CDC42BPA: variants seen among roughly 807,000 people sequenced by gnomAD.
The protein encoded by CDC42BPA is serine/threonine-protein kinase MRCK alpha.
CDC42BPA carries 80 observed loss-of-function variants against 223.5 expected under a neutral mutation model. That is an observed-to-expected ratio of 0.36 (90% CI 0.30 to 0.43). The LOEUF is 0.43. CDC42BPA is among the 20% of genes least tolerant of loss of function. The pLI, the probability that CDC42BPA is intolerant of heterozygous loss-of-function variation, is 1.00. For synonymous variants in CDC42BPA, 694 were observed against 718.6 expected, an observed-to-expected ratio of 0.97 and a Z score of 0.55; for missense variants, 1,743 against 2,099.9, an observed-to-expected ratio of 0.83 and a Z score of 3.32.
At chr1:227,257,475 G>A (rs1683279938) in intron 1 of CDC42BPA, among the ~76,000 whole-genome samples, 1 of 93,530 alleles carries the variant, frequency 1.1e-5, no homozygotes, top group Non-Finnish European at 2.3e-5. Flanking sequence ...ATAGGAAGAT[G>A]CTGGGCACAG....
rs556291197 is a variant in CDC42BPA at position 227,185,259 on chromosome 1, G to C, written c.599+8527C>G. On this transcript the variant is annotated intron_variant, in intron 5 of 36. Transcript: ENST00000366766. Reference sequence around the variant, plus strand: ...ATAGGAAAAAAAGGGGTCCTTGGAAGATTTTTCGCAGCTCTTATCTAGAAT... The same window carrying C: ...ATAGGAAAAAAAGGGGTCCTTGGAACATTTTTCGCAGCTCTTATCTAGAAT... Among the ~76,000 whole-genome samples the C allele has an allele frequency of 5.9e-5, 9 of 152,208 alleles. No individual in the cohort carries two copies. The South Asian group carries it at 1.9e-3, about 32-fold the overall frequency.
chr1:227,261,244 T>G (rs1684014893), intron 1 of CDC42BPA, among the ~76,000 whole-genome samples: 1 of 150,206 alleles, frequency 6.7e-6, no homozygotes, highest in African/African-American at 2.5e-5. Context: ...GCCTCTTAAG[T>G]AGCTGTAATT....
rs747941744 is a variant in CDC42BPA at position 226,994,666 on chromosome 1, C to T, written c.5133+157G>A. On this transcript the variant is annotated intron_variant, in intron 36 of 36. Coordinates refer to ENST00000366766, the MANE Select transcript of CDC42BPA (RefSeq NM_001394014.1). The surrounding 1 kb of genome is among the most constrained non-coding windows in gnomAD (Gnocchi z 4.0). ...TCTGGGAAAACTGCAGTTTGCAGCC[C>T]GAGTGACTGGCCTAGCTGCCCGCTG... Among the ~76,000 whole-genome samples the T allele has an allele frequency of 3.9e-5, 6 of 152,142 alleles. No homozygotes were observed. The highest frequency in any genetic ancestry group is 1.3e-4 in the Admixed American group (2 of 15,280).
chr1:227,102,810 GAATT>G (rs113820132), intron 14 of CDC42BPA, among the ~76,000 whole-genome samples: 23,419 of 151,872 alleles, frequency 0.15, 2,160 homozygotes, highest in African/African-American at 0.25. Context: ...GTCATAAAAT[GAATT>G]ATTTTAATAG....
rs560161719 is a variant in CDC42BPA at position 227,135,946 on chromosome 1, G to A, written c.1390+3630C>T. Among the ~76,000 whole-genome samples the A allele has an allele frequency of 8.8e-5, 13 of 147,026 alleles. No individual in the cohort carries two copies. In the South Asian group the frequency reaches 2.8e-3, roughly 31 times the overall value. The stretch of plus-strand genomic sequence containing the variant: ...AGCTCAATTCTTGATGGAATGAAAA[G>A]GGAGAAACCTCTCTGGGGCAAAAAT... On this transcript the variant is annotated intron_variant, in intron 10 of 36. Transcript: ENST00000366766.
At chr1:227,250,507 T>C (rs1558869364) in intron 2 of CDC42BPA, among the ~76,000 whole-genome samples, 1 of 151,466 alleles carries the variant, frequency 6.6e-6, no homozygotes, top group East Asian at 1.9e-4. Flanking sequence ...AAATAAAAAA[T>C]AAAAAAAGAA....
At chr1:227,258,699 GA>G (rs1272801058) in intron 1 of CDC42BPA, among the ~76,000 whole-genome samples, 2 of 150,008 alleles carry the variant, frequency 1.3e-5, no homozygotes, top group Admixed American at 6.6e-5. Context: ...TGCTGCATTT[GA>G]AAAAAAACTG....
At position 227,263,581 on chromosome 1, in the gene CDC42BPA, A is replaced by ATT. The variant is rs200269802; in HGVS notation, c.179-9427_179-9426insAA. ...CTGATATCTCATTACCTTGAGAATCAATTTTTTTTTTTTTTTTTTGAAACG... is the reference window on the plus strand; with the variant it reads ...CTGATATCTCATTACCTTGAGAATCATTATTTTTTTTTTTTTTTTTTGAAACG... On this transcript the variant is annotated intron_variant, in intron 1 of 36. Coordinates refer to ENST00000366766, the MANE Select transcript of CDC42BPA (RefSeq NM_001394014.1). Among the ~76,000 whole-genome samples the ATT allele has an allele frequency of 1.1e-3, 148 of 135,108 alleles. 2 individuals are homozygous for ATT. Among genetic ancestry groups the ATT allele is most frequent in the Non-Finnish European group, 1.7e-3 (107 of 61,938 alleles). The allele number at this position is 135,108 out of a possible 152,430, so 88.6% of individuals were successfully genotyped here.
At chr1:227,085,987 G>A (rs1318229017) in intron 16 of CDC42BPA, among the ~76,000 whole-genome samples, 1 of 152,130 alleles carries the variant, frequency 6.6e-6, no homozygotes, top group Non-Finnish European at 1.5e-5. Flanking sequence ...ATTTATAATT[G>A]ATCTTGGTCC....
At chr1:227,114,571 T>C (rs555023486) in intron 12 of CDC42BPA, among the ~76,000 whole-genome samples, 2 of 152,204 alleles carry the variant, frequency 1.3e-5, no homozygotes, top group East Asian at 3.9e-4. Context: ...TATAAAAATG[T>C]TAACTTTGTA....
chr1:227,031,536 T>C lies in CDC42BPA; in HGVS notation c.3559-22A>G, dbSNP rs369254408. ...TGACCTAGAACAATTTAATCAATATTCATGATATTAGAAAACAGACACCCT... is the reference window on the plus strand; with the variant it reads ...TGACCTAGAACAATTTAATCAATATCCATGATATTAGAAAACAGACACCCT... On this transcript the variant is annotated intron_variant, in intron 27 of 36. Coordinates refer to ENST00000366766, the MANE Select transcript of CDC42BPA (RefSeq NM_001394014.1). 3 of 1,586,266 alleles carry C rather than the reference T, an allele frequency of 1.9e-6. No individual in the cohort carries two copies. The African/African-American group carries it at 4.0e-5, about 21-fold the overall frequency.
intron 12 of CDC42BPA, 33 bp downstream of exon 12, chr1:227,119,770 GA>G (rs1202953466): frequency 3.6e-6 from 5 of 1,404,308 alleles, no homozygotes; most frequent in Admixed American, 2.3e-5. Context: ...TCAAAATAGA[GA>G]AAAAGCTTTA....
intron 4 of CDC42BPA, among the ~76,000 whole-genome samples, chr1:227,196,338 C>CTTTTTTTTTTTTTTTTTTTTTTTTTTTT (rs34352900): frequency 3.2e-5 from 3 of 92,360 alleles, no homozygotes; most frequent in African/African-American, 4.7e-5. Flanking sequence ...TTAAACAATA[C>CTTTTTTTTTTTTTTTTTTTTTTTTTTTT]TTTTTTTTTT....
intron 14 of CDC42BPA, among the ~76,000 whole-genome samples, chr1:227,105,056 C>T (rs996551028): frequency 6.6e-6 from 1 of 152,064 alleles, no homozygotes; most frequent in African/African-American, 2.4e-5. Context: ...ATTCACATAT[C>T]ATACAAATCA....
At chr1:227,193,681 T>C (rs1289958486) in intron 5 of CDC42BPA, 105 bp downstream of exon 5, 2 of 943,806 alleles carry the variant, frequency 2.1e-6, no homozygotes, top group Admixed American at 5.5e-5. Context: ...TGGTTGACGA[T>C]AAATGTATCC....
intron 14 of CDC42BPA, among the ~76,000 whole-genome samples, chr1:227,104,746 CAGGGAG>C (rs1685616125): frequency 6.6e-6 from 1 of 152,082 alleles, no homozygotes; most frequent in South Asian, 2.1e-4. Context: ...CACAGACACA[CAGGGAG>C]AACTCCATGT....
intron 17 of CDC42BPA, among the ~76,000 whole-genome samples, chr1:227,079,941 T>TGG: frequency 6.6e-6 from 1 of 151,510 alleles, no homozygotes; most frequent in Non-Finnish European, 1.5e-5. Flanking sequence ...AACACAAAAT[T>TGG]TGTGTTTTAT....
In CDC42BPA at chr1:227,243,269, A is replaced by G. The variant is rs1053539510; in HGVS notation, c.270+10795T>C. On this transcript the variant is annotated intron_variant, in intron 2 of 36. Transcript: ENST00000366766. ...GAAATAATCTGTACAACAAATGCCC[A>G]TGACACAAGTTTACTTATTTAACAA... is the stretch of plus-strand genomic sequence containing the variant. Among the ~76,000 whole-genome samples, 44 of 152,208 alleles carry G rather than the reference A, an allele frequency of 2.9e-4. 1 individual carries two copies. The highest frequency in any genetic ancestry group is 8.0e-4 in the African/African-American group (33 of 41,444).
chr1:227,140,743 C>T (rs1344853876), intron 9 of CDC42BPA, among the ~76,000 whole-genome samples: 1 of 152,084 alleles, frequency 6.6e-6, no homozygotes, highest in Non-Finnish European at 1.5e-5. Context: ...AAGAGGATCA[C>T]CTGAACAGGA....
Sources: gnomAD v4.1 joint callset for allele counts (sites outside exome capture counted in the v4.1 genomes callset) on GRCh38, gnomAD v4.1.1 for gene constraint, Gnocchi (gnomAD v3.1) non-coding constraint, MANE v1.5 for transcripts, NCBI Gene and HGNC (gene_info 2026-07-23, HGNC 2026-07-21) for gene names.